The following COL24A1 variants were observed in gnomAD, a reference collection of about 807,000 sequenced individuals.
COL24A1 encodes the protein collagen type XXIV alpha 1 chain.
COL24A1 carries 224 observed loss-of-function variants against 253.9 expected under a neutral mutation model. That is an observed-to-expected ratio of 0.88 (90% CI 0.79 to 0.99). The LOEUF is 0.99. Among genes scored for constraint, COL24A1 ranks in the 50% least tolerant of loss-of-function variants. The probability of loss-of-function intolerance (pLI) is 0.00; values close to 1 mark genes in which losing one functional copy is unlikely to be tolerated. For synonymous variants in COL24A1, 685 were observed against 673.7 expected (o/e 1.02, Z -0.26); for missense variants, 2,131 against 2,068.5 (o/e 1.03, Z -0.59).
chr1:85,870,423 C>T (rs1680330220), intron 35 of COL24A1, among the ~76,000 whole-genome samples: 1 of 152,164 alleles, frequency 6.6e-6, no homozygotes, highest in African/African-American at 2.4e-5. Context: ...CACACTTATT[C>T]CAAAATTGAC....
intron 50 of COL24A1, 86 bp from the exon 51 acceptor site, chr1:85,783,644 C>T (rs1669365115): frequency 7.9e-7 from 1 of 1,260,530 alleles, no homozygotes; most frequent in Non-Finnish European, 1.2e-6. Flanking sequence ...TCAAGAATTG[C>T]TCTTTTAAAA....
At chr1:86,110,270 TTTATG>T (rs1705413387) in intron 5 of COL24A1, among the ~76,000 whole-genome samples, 1 of 151,858 alleles carries the variant, frequency 6.6e-6, no homozygotes, top group Non-Finnish European at 1.5e-5. Context: ...CATTAAATAT[TTTATG>T]TTTAGTGATA....
At chr1:86,135,783 A>G (rs1326394373) in intron 2 of COL24A1, among the ~76,000 whole-genome samples, 1 of 151,264 alleles carries the variant, frequency 6.6e-6, no homozygotes, top group Non-Finnish European at 1.5e-5. Context: ...TTTGGTCAGA[A>G]TATTTGTCAG....
chr1:85,849,339 A>T lies in COL24A1; in HGVS notation c.3354+14T>A. 6.2e-7 allele frequency: 1 copy of T among 1,609,792 alleles called. No individual in the cohort carries two copies. The highest frequency in any genetic ancestry group is 8.5e-7 in the Non-Finnish European group (1 of 1,176,492). On this transcript the variant is annotated intron_variant, in intron 38 of 59. Coordinates refer to ENST00000370571, the MANE Select transcript of COL24A1 (RefSeq NM_152890.7). ...GAAGAAAGAAAACCTGCATAAGAAG[A>T]TGTAAAAAATTACCTTTTTTCCTGG...
chr1:86,048,147 A>G (rs1700043888), intron 11 of COL24A1, among the ~76,000 whole-genome samples: 1 of 152,166 alleles, frequency 6.6e-6, no homozygotes, highest in Non-Finnish European at 1.5e-5. Context: ...AAGCCAAATA[A>G]TGCAGACAGA....
intron 8 of COL24A1, among the ~76,000 whole-genome samples, chr1:86,062,181 G>C (rs1701139813): frequency 6.6e-6 from 1 of 151,896 alleles, no homozygotes; most frequent in Non-Finnish European, 1.5e-5. Context: ...CAAATAATAA[G>C]GGCTGTAAGT....
In COL24A1 at chr1:86,125,281, G is replaced by C; in HGVS notation, c.1055C>G (p.Thr352Ser). The change falls in exon 3 of 60, where the codon ACC becomes AGC. Residue 352 changes from threonine (T) to serine (S), a missense_variant. By Grantham distance (58) the Thr-to-Ser change is moderately conservative. Coordinates refer to ENST00000370571, the MANE Select transcript of COL24A1 (RefSeq NM_152890.7). The stretch of plus-strand genomic sequence containing the variant: ...TTTTGCCTCACTGATGCGATGAGTG[G>C]TCACTGACAGGCTGAAATTTGTCTG... ...DTQTNFSLSV[T>S]THRISEAKMN... 1.2e-6 allele frequency: 2 copies of C among 1,613,554 alleles called. No individual in the cohort carries two copies. Among genetic ancestry groups the C allele is most frequent in the Non-Finnish European group, 1.7e-6 (2 of 1,179,768 alleles).
At chr1:85,875,766 C>T (rs906295112) in intron 33 of COL24A1, among the ~76,000 whole-genome samples, 66 of 137,010 alleles carry the variant, frequency 4.8e-4, no homozygotes, top group African/African-American at 1.7e-3. Flanking sequence ...CACACACACA[C>T]AGAGCTTCTT....
intron 57 of COL24A1, among the ~76,000 whole-genome samples, chr1:85,742,015 A>G (rs904186423): frequency 6.6e-6 from 1 of 152,000 alleles, no homozygotes; most frequent in African/African-American, 2.4e-5. Context: ...CACCACATCC[A>G]GTTTGCCTCT....
chr1:85,934,548 C>T (rs938772701), intron 24 of COL24A1, among the ~76,000 whole-genome samples: 2 of 152,018 alleles, frequency 1.3e-5, no homozygotes, highest in Non-Finnish European at 1.5e-5. Context: ...TATTATCTAT[C>T]ATGAATAAGG....
intron 19 of COL24A1, among the ~76,000 whole-genome samples, chr1:86,010,647 T>C (rs1696403194): frequency 6.6e-6 from 1 of 152,148 alleles, no homozygotes; most frequent in South Asian, 2.1e-4. Flanking sequence ...AGCACAAGTT[T>C]ATTCACTGCA....
Position 86,037,979 on chromosome 1 carries a change from A to G in COL24A1, c.1951-4056T>C, listed in dbSNP as rs550316246. Among the ~76,000 whole-genome samples the G allele has an allele frequency of 7.2e-4, 110 of 152,230 alleles. 1 individual carries two copies. Among genetic ancestry groups the G allele is most frequent in the African/African-American group, 2.5e-3 (104 of 41,568 alleles). On this transcript the variant is annotated intron_variant, in intron 12 of 59. Transcript: ENST00000370571. ...AATAACAAAAAGTATTACAATTTTT[A>G]TATTTACTTTTTTGAAAATTTGACT...
intron 47 of COL24A1, among the ~76,000 whole-genome samples, chr1:85,799,702 C>T (rs1357112293): frequency 6.6e-6 from 1 of 152,122 alleles, no homozygotes; most frequent in East Asian, 1.9e-4. Context: ...ACTGCATGTG[C>T]AAACCTTGGG....
chr1:85,992,879 C>A (rs2100979976), intron 19 of COL24A1, among the ~76,000 whole-genome samples: 3 of 152,226 alleles, frequency 2.0e-5, no homozygotes, highest in African/African-American at 7.2e-5. Flanking sequence ...CTTAATAGAA[C>A]TAGTCTGACC....
chr1:85,904,478 A>T (rs991767458), intron 28 of COL24A1, among the ~76,000 whole-genome samples: 1 of 152,136 alleles, frequency 6.6e-6, no homozygotes, highest in Non-Finnish European at 1.5e-5. Context: ...TGAATTAGAG[A>T]ATCTGCTAGC....
At position 85,744,655 on chromosome 1, in the gene COL24A1, C is replaced by T. The variant is rs1386465318; in HGVS notation, c.4672+11G>A. ...ATTCACTATCAGAGTTTGAGGTAAC[C>T]AAGAACTTACCATCTGATACTTTTT... On this transcript the variant is annotated intron_variant, in intron 57 of 59. Transcript: ENST00000370571. 2 of 1,593,488 alleles carry T rather than the reference C, an allele frequency of 1.3e-6. No homozygotes were observed. The highest frequency in any genetic ancestry group is 8.6e-7 in the Non-Finnish European group (1 of 1,167,650).
chr1:86,150,111 G>T (rs1336185687), intron 1 of COL24A1, among the ~76,000 whole-genome samples: 1 of 152,134 alleles, frequency 6.6e-6, no homozygotes, highest in East Asian at 1.9e-4. Flanking sequence ...CCTTGTATAT[G>T]TCTGAAATGC....
chr1:86,056,200 C>T (rs1032713399), intron 10 of COL24A1, among the ~76,000 whole-genome samples: 7 of 151,678 alleles, frequency 4.6e-5, no homozygotes, highest in South Asian at 2.1e-4. Context: ...TCCAAGTCAA[C>T]ATGTGTTTTC....
At chr1:86,091,639 T>C (rs1368775060) in intron 6 of COL24A1, among the ~76,000 whole-genome samples, 2 of 152,156 alleles carry the variant, frequency 1.3e-5, no homozygotes, top group African/African-American at 4.8e-5. Context: ...GTTTTTGTAG[T>C]TATCTTTGCT....
Sources: allele counts gnomAD v4.1 joint callset (sites outside exome capture counted in the v4.1 genomes callset), GRCh38; gene constraint gnomAD v4.1.1; transcripts MANE v1.5; gene names NCBI Gene and HGNC (gene_info 2026-07-23, HGNC 2026-07-21).